The following PRKN variants were observed in gnomAD, a reference collection of about 807,000 sequenced individuals.
PRKN encodes parkin RBR E3 ubiquitin protein ligase.
PRKN carries 56 observed loss-of-function variants against 59.5 expected under a neutral mutation model. The observed-to-expected ratio is 0.94, with a 90% CI of 0.76 to 1.18. The LOEUF is 1.18. Among genes scored for constraint, PRKN ranks in the 50% most tolerant of loss-of-function variants. The pLI, the probability that PRKN is intolerant of heterozygous loss-of-function variation, is 0.00. For missense variants in PRKN, 657 were observed against 596.4 expected (o/e 1.10, Z -1.06); for synonymous variants, 250 against 222.1 (o/e 1.13, Z -1.12).
In PRKN at chr6:161,397,092, ACCTCTATTAAACTGTTTCAC is replaced by A. The variant is rs1786797333; in HGVS notation, c.1084-10235_1084-10216del. 6.6e-6 allele frequency among the ~76,000 whole-genome samples: 1 copy of A among 151,970 alleles called. No individual in the cohort carries two copies. The highest frequency in any genetic ancestry group is 2.4e-5 in the African/African-American group (1 of 41,334). ...TTCCCAAGCCCTGTTTCTTACTCAT[ACCTCTATTAAACTGTTTCAC>A]CCTCTATATGAAACTGTCTCCACCT... is the stretch of plus-strand genomic sequence containing the variant. On this transcript the variant is annotated intron_variant, in intron 9 of 11. Transcript: ENST00000366898. The surrounding 1 kb of genome is among the most constrained non-coding windows in gnomAD (Gnocchi z 4.2).
intron 7 of PRKN, among the ~76,000 whole-genome samples, chr6:161,647,638 G>A (rs900458382): frequency 3.3e-5 from 5 of 151,978 alleles, no homozygotes; most frequent in Admixed American, 2.6e-4. Flanking sequence ...TCAGATTTGG[G>A]CTGTGCTGAT....
chr6:162,700,581 T>C (rs891684252), intron 1 of PRKN, among the ~76,000 whole-genome samples: 3 of 152,146 alleles, frequency 2.0e-5, no homozygotes, highest in African/African-American at 2.4e-5. Context: ...GAATACATTT[T>C]GAGAATTCAG....
intron 7 of PRKN, among the ~76,000 whole-genome samples, chr6:161,736,029 A>G (rs759841663): frequency 1.3e-5 from 2 of 152,242 alleles, no homozygotes; most frequent in African/African-American, 4.8e-5. Context: ...CCTGCTATGT[A>G]TAACACAGCA....
At chr6:161,733,783 A>AATATATATAT (rs1554298473) in intron 7 of PRKN, among the ~76,000 whole-genome samples, 1 of 86,228 alleles carries the variant, frequency 1.2e-5, no homozygotes, top group African/African-American at 8.8e-5. Context: ...AAAAAAAAAA[A>AATATATATAT]ATATATATAT....
chr6:162,317,943 A>C (rs117541324), intron 2 of PRKN, among the ~76,000 whole-genome samples: 2,351 of 152,036 alleles, frequency 0.015, 19 homozygotes, highest in Non-Finnish European at 0.023. Flanking sequence ...CTTTTTAGTC[A>C]TTTGTAGTTG....
chr6:161,659,453 A>G (rs1285924453), intron 7 of PRKN, among the ~76,000 whole-genome samples: 2 of 152,084 alleles, frequency 1.3e-5, no homozygotes, highest in African/African-American at 4.8e-5. Flanking sequence ...CTATTTGTCT[A>G]TGTTGGCATG....
At chr6:161,557,618 A>AC (rs777913792) in intron 8 of PRKN, among the ~76,000 whole-genome samples, 18 of 152,292 alleles carry the variant, frequency 1.2e-4, no homozygotes, top group Non-Finnish European at 2.5e-4. Flanking sequence ...GTAGGAGAGA[A>AC]CAGGCTGCTT....
At chr6:161,629,799 C>A (rs1783230290) in intron 7 of PRKN, among the ~76,000 whole-genome samples, 1 of 152,176 alleles carries the variant, frequency 6.6e-6, no homozygotes, top group South Asian at 2.1e-4. Context: ...GTGAGTGGAG[C>A]AGACCTAAAA....
intron 5 of PRKN, among the ~76,000 whole-genome samples, chr6:162,049,718 T>A (rs1214689657): frequency 6.6e-6 from 1 of 152,210 alleles, no homozygotes; most frequent in Non-Finnish European, 1.5e-5. Context: ...GACTCAGTGA[T>A]TTGAATGTCC....
chr6:162,129,805 G>C (rs1450062712), intron 4 of PRKN, among the ~76,000 whole-genome samples: 1 of 152,006 alleles, frequency 6.6e-6, no homozygotes, highest in Non-Finnish European at 1.5e-5. Context: ...TTAAATTATA[G>C]AGTAAATATA....
At chr6:162,357,057 G>A (rs1023534607) in intron 2 of PRKN, among the ~76,000 whole-genome samples, 1 of 152,056 alleles carries the variant, frequency 6.6e-6, no homozygotes, top group Non-Finnish European at 1.5e-5. Flanking sequence ...AGATGACCTT[G>A]GGTTTGCTGG....
At chr6:161,833,810 C>T (rs1792620962) in intron 6 of PRKN, among the ~76,000 whole-genome samples, 2 of 152,206 alleles carry the variant, frequency 1.3e-5, no homozygotes, top group African/African-American at 2.4e-5. Context: ...AGCACTCCAG[C>T]TCTGTTCCTA....
chr6:162,358,612 T>C (rs1424229581), intron 2 of PRKN, among the ~76,000 whole-genome samples: 3 of 152,188 alleles, frequency 2.0e-5, no homozygotes, highest in Non-Finnish European at 4.4e-5. Flanking sequence ...AATTTTGAAA[T>C]AGTTCTAGTA....
intron 7 of PRKN, among the ~76,000 whole-genome samples, chr6:161,664,046 T>G (rs1357707785): frequency 6.6e-6 from 1 of 152,202 alleles, no homozygotes; most frequent in Admixed American, 6.5e-5. Flanking sequence ...ACCCCTTTGA[T>G]TTATCAATTC....
rs1379670654 is a variant in PRKN at position 161,584,306 on chromosome 6, CCTTT to C, written c.872-14894_872-14891del. Among the ~76,000 whole-genome samples, 1 of 152,174 alleles carries C rather than the reference CCTTT, an allele frequency of 6.6e-6. No homozygotes were observed. Among genetic ancestry groups the C allele is most frequent in the African/African-American group, 2.4e-5 (1 of 41,434 alleles). Reference sequence around the variant, plus strand: ...AATCAAATAGGACACCAGAGCCCAACCTTTCTATTTCAGCTGGTGACTCATAGAG... The same window carrying C: ...AATCAAATAGGACACCAGAGCCCAACCTATTTCAGCTGGTGACTCATAGAG... On this transcript the variant is annotated intron_variant, in intron 7 of 11. Coordinates refer to ENST00000366898, the MANE Select transcript of PRKN (RefSeq NM_004562.3). This position sits in a 1 kb window ranked among gnomAD's most constrained non-coding sequence, Gnocchi z 4.8.
At chr6:162,481,479 A>T (rs1312592438) in intron 1 of PRKN, among the ~76,000 whole-genome samples, 1 of 152,186 alleles carries the variant, frequency 6.6e-6, no homozygotes, top group Non-Finnish European at 1.5e-5. Context: ...TTAACGTATA[A>T]TGTTTCCATT....
At chr6:162,204,667 T>G (rs891205621) in intron 3 of PRKN, among the ~76,000 whole-genome samples, 3 of 152,046 alleles carry the variant, frequency 2.0e-5, no homozygotes, top group African/African-American at 7.2e-5. Context: ...AGTCTACTTA[T>G]GTAATGATTT....
intron 1 of PRKN, among the ~76,000 whole-genome samples, chr6:162,697,373 A>C (rs528705438): frequency 6.6e-6 from 1 of 152,352 alleles, no homozygotes; most frequent in African/African-American, 2.4e-5. Context: ...AAAAATGCTG[A>C]AACTCAGACC....
intron 7 of PRKN, among the ~76,000 whole-genome samples, chr6:161,690,636 A>C (rs1279001022): frequency 1.3e-5 from 2 of 152,296 alleles, no homozygotes; most frequent in East Asian, 3.9e-4. Flanking sequence ...CCCAGAATGG[A>C]TGGGCAGCAT....
Sources: allele counts gnomAD v4.1 joint callset (sites outside exome capture counted in the v4.1 genomes callset), GRCh38; gene constraint gnomAD v4.1.1; non-coding constraint Gnocchi (gnomAD v3.1); transcripts MANE v1.5; gene names NCBI Gene and HGNC (gene_info 2026-07-23, HGNC 2026-07-21).